SGCD: variants seen among roughly 807,000 people sequenced by gnomAD.
SGCD encodes the protein sarcoglycan delta.
Under a neutral mutation model 36.6 loss-of-function variants are expected in SGCD, and 18 were observed. The ratio of observed to expected loss-of-function variants is 0.49; its 90% CI spans 0.34 to 0.73. SGCD has a LOEUF of 0.73. Among genes scored for constraint, SGCD ranks in the 30% least tolerant of loss-of-function variants. SGCD has a pLI of 0.01. For missense variants in SGCD, 387 were observed against 346.7 expected (o/e 1.12, Z -0.92); for synonymous variants, 133 against 130.6 (o/e 1.02, Z -0.12).
At chr5:156,628,246 G>A (rs529842561) in intron 6 of SGCD, among the ~76,000 whole-genome samples, 1 of 152,208 alleles carries the variant, frequency 6.6e-6, no homozygotes, top group African/African-American at 2.4e-5. Flanking sequence ...CATGATCCAG[G>A]CACCTTTCAC....
At chr5:156,563,584 C>T (rs1051881416) in intron 4 of SGCD, among the ~76,000 whole-genome samples, 1 of 152,226 alleles carries the variant, frequency 6.6e-6, no homozygotes, top group African/African-American at 2.4e-5. Context: ...CCCTCAAGTT[C>T]TTCAGACTAA....
the SGCD span, among the ~76,000 whole-genome samples, chr5:155,840,400 C>T: frequency 2.9e-4 from 39 of 132,870 alleles, no homozygotes; most frequent in Non-Finnish European, 5.2e-4. Flanking sequence ...CCTGCCACCA[C>T]GCCCAGCTAA....
chr5:156,594,656 G>A (rs1487944278), intron 5 of SGCD, among the ~76,000 whole-genome samples: 1 of 152,236 alleles, frequency 6.6e-6, no homozygotes, highest in South Asian at 2.1e-4. Context: ...TCACAGTCAA[G>A]GATTAGTTTG....
chr5:155,903,873 G>A (rs1007411407), intron 1 of SGCD, among the ~76,000 whole-genome samples: 2 of 152,084 alleles, frequency 1.3e-5, no homozygotes, highest in African/African-American at 4.8e-5. Flanking sequence ...CTTACTGTGC[G>A]TGTTCTCCTA....
intron 4 of SGCD, among the ~76,000 whole-genome samples, chr5:156,512,062 C>G (rs1054947306): frequency 1.3e-5 from 2 of 151,862 alleles, no homozygotes; most frequent in Non-Finnish European, 2.9e-5. Flanking sequence ...GACACGGTGG[C>G]GGGCAGCTGT....
At chr5:155,730,523 A>G in the SGCD span, among the ~76,000 whole-genome samples, 1 of 147,446 alleles carries the variant, frequency 6.8e-6, no homozygotes, top group South Asian at 2.1e-4. Flanking sequence ...ACCTACATAC[A>G]TAGTAGGCAC....
At chr5:156,464,161 C>T (rs1442160809) in intron 3 of SGCD, among the ~76,000 whole-genome samples, 1 of 151,358 alleles carries the variant, frequency 6.6e-6, no homozygotes, top group African/African-American at 2.4e-5. Flanking sequence ...GATTATGTAG[C>T]TTGCCCCCAA....
chr5:156,605,715 T>C (rs1761411357), intron 6 of SGCD, among the ~76,000 whole-genome samples: 2 of 152,192 alleles, frequency 1.3e-5, no homozygotes, highest in Admixed American at 1.3e-4. Flanking sequence ...CACTTGTTGT[T>C]TCCTGACTTT....
chr5:155,980,805 C>CA (rs1554108985), intron 1 of SGCD, among the ~76,000 whole-genome samples: 1 of 151,710 alleles, frequency 6.6e-6, no homozygotes, highest in Non-Finnish European at 1.5e-5. Context: ...CAAAGAAACA[C>CA]AAAAAAACAA....
chr5:156,363,061 G>A (rs1434385307), intron 3 of SGCD, among the ~76,000 whole-genome samples: 1 of 151,390 alleles, frequency 6.6e-6, no homozygotes, highest in African/African-American at 2.4e-5. Context: ...GGGTGAGTAG[G>A]GTTTTCTGAT....
chr5:155,761,654 C>A, the SGCD span, among the ~76,000 whole-genome samples: 1 of 146,566 alleles, frequency 6.8e-6, no homozygotes, highest in East Asian at 2.0e-4. Context: ...CCATCATCCT[C>A]ATCATCACTC....
Position 156,238,424 on chromosome 5 carries a change from A to C in SGCD, c.-43-91110A>C, listed in dbSNP as rs1765222061. ...CTGTTCATAGCTCACAGCTGACCCC[A>C]GCCTCTGGGCAACTGCTTTTGCCTC... On this transcript the variant is annotated intron_variant, in intron 3 of 9. Transcript: ENST00000517913. Among the ~76,000 whole-genome samples the C allele has an allele frequency of 2.6e-5, 4 of 152,150 alleles. No individual in the cohort carries two copies. The South Asian group carries it at 8.3e-4, about 32-fold the overall frequency.
At chr5:156,138,559 T>A (rs913580150) in intron 3 of SGCD, among the ~76,000 whole-genome samples, 1 of 152,384 alleles carries the variant, frequency 6.6e-6, no homozygotes, top group South Asian at 2.1e-4. Context: ...ACCAGCATCA[T>A]TCAATTAATA....
At chr5:156,207,202 C>T (rs751110348) in intron 3 of SGCD, among the ~76,000 whole-genome samples, 4 of 152,054 alleles carry the variant, frequency 2.6e-5, no homozygotes, top group Non-Finnish European at 5.9e-5. Flanking sequence ...ACAGAGGTCA[C>T]TGCATGTACA....
At chr5:156,686,357 T>C (rs1753903739) in intron 7 of SGCD, among the ~76,000 whole-genome samples, 1 of 152,226 alleles carries the variant, frequency 6.6e-6, no homozygotes, top group Non-Finnish European at 1.5e-5. Context: ...ATAAGGCATG[T>C]ACCCAGAAAA....
chr5:156,366,400 T>C (rs926685991), intron 3 of SGCD, among the ~76,000 whole-genome samples: 4 of 151,976 alleles, frequency 2.6e-5, no homozygotes, highest in African/African-American at 7.3e-5. Context: ...CAGGCATAGA[T>C]AGAAAGATTT....
At chr5:156,356,165 G>T (rs1259353206) in intron 3 of SGCD, among the ~76,000 whole-genome samples, 1 of 152,152 alleles carries the variant, frequency 6.6e-6, no homozygotes, top group Non-Finnish European at 1.5e-5. Flanking sequence ...AAACTTAGTG[G>T]CTTAATAAAA....
At chr5:156,149,800 G>T (rs1476892224) in intron 3 of SGCD, among the ~76,000 whole-genome samples, 1 of 152,138 alleles carries the variant, frequency 6.6e-6, no homozygotes, top group Non-Finnish European at 1.5e-5. Flanking sequence ...GGTTTGCAAG[G>T]CTATCATTTG....
intron 3 of SGCD, among the ~76,000 whole-genome samples, chr5:156,440,531 C>A (rs1379739797): frequency 6.6e-6 from 1 of 152,254 alleles, no homozygotes; most frequent in Non-Finnish European, 1.5e-5. Context: ...TATTGAGGAA[C>A]TGCTGTACTA....
Sources: allele counts gnomAD v4.1 joint callset (sites outside exome capture counted in the v4.1 genomes callset), GRCh38; gene constraint gnomAD v4.1.1; transcripts MANE v1.5; gene names NCBI Gene and HGNC (gene_info 2026-07-23, HGNC 2026-07-21).